ZNF804B: variants seen among roughly 807,000 people sequenced by gnomAD.
ZNF804B encodes zinc finger protein 804B.
Under a neutral mutation model 101.4 loss-of-function variants are expected in ZNF804B, and 80 were observed. The observed-to-expected ratio is 0.79, with a 90% confidence interval of 0.66 to 0.95. ZNF804B has a LOEUF of 0.95. Ranked by LOEUF, ZNF804B falls within the 40% of genes least tolerant of loss-of-function variation. The probability of loss-of-function intolerance (pLI) is 0.00; values close to 1 mark genes in which losing one functional copy is unlikely to be tolerated. For missense variants in ZNF804B, 1,673 were observed against 1,561.9 expected, an observed-to-expected ratio of 1.07 and a Z score of -1.20; for synonymous variants, 622 against 558.8, an observed-to-expected ratio of 1.11 and a Z score of -1.59.
chr7:89,210,268 T>TA (rs201514597), intron 1 of ZNF804B, among the ~76,000 whole-genome samples: 79 of 151,850 alleles, frequency 5.2e-4, no homozygotes, highest in East Asian at 5.0e-3. Flanking sequence ...TAGGTAAAAG[T>TA]AAAAAAAACA....
At chr7:89,048,641 T>C (rs6975830) in intron 1 of ZNF804B, among the ~76,000 whole-genome samples, 118,542 of 151,738 alleles carry the variant, frequency 0.78, 46,540 homozygotes, top group Middle Eastern at 0.79. Flanking sequence ...TTAGAAATAC[T>C]CCTGCTAGTA....
At chr7:89,246,521 C>T (rs1408355507) in intron 2 of ZNF804B, among the ~76,000 whole-genome samples, 1 of 152,114 alleles carries the variant, frequency 6.6e-6, no homozygotes, top group Non-Finnish European at 1.5e-5. Context: ...AGCAGCCTGA[C>T]CTGCCCCACA....
At chr7:89,028,624 G>A (rs891365685) in intron 1 of ZNF804B, among the ~76,000 whole-genome samples, 2 of 151,978 alleles carry the variant, frequency 1.3e-5, no homozygotes, top group African/African-American at 4.8e-5. Context: ...TCTAATCATC[G>A]AGCAGGGCAT....
intron 2 of ZNF804B, among the ~76,000 whole-genome samples, chr7:89,232,345 G>A (rs1388141115): frequency 1.3e-5 from 2 of 152,038 alleles, no homozygotes; most frequent in Admixed American, 1.3e-4. Context: ...GATTTGTTAA[G>A]GATTTTTGTG....
Position 89,335,286 on chromosome 7 carries a change from T to C in ZNF804B, c.2304T>C (p.Asp768=), listed in dbSNP as rs781550097. ...ACAACTGCTTCTACTTGTCTGATGA[T>C]ATAACAAAGAGCAGCCAAATGCAGT... The part of the protein sequence containing the change: ...LKHNCFYLSD[D]ITKSSQMQSE... The change falls in exon 4 of 4, where the codon GAT becomes GAC. Residue 768 remains aspartate (D), a synonymous_variant. Transcript: ENST00000333190. 4.3e-6 allele frequency: 7 copies of C among 1,613,538 alleles called. No homozygotes were observed. The highest frequency in any genetic ancestry group is 1.6e-4 in the Middle Eastern group (1 of 6,084).
intron 2 of ZNF804B, among the ~76,000 whole-genome samples, chr7:89,279,079 G>C (rs1295940613): frequency 6.6e-6 from 1 of 151,948 alleles, no homozygotes; most frequent in Non-Finnish European, 1.5e-5. Context: ...CCCTTGTAAG[G>C]TGGATTCCTA....
At chr7:88,814,603 A>T (rs2115742704) in intron 1 of ZNF804B, among the ~76,000 whole-genome samples, 1 of 152,212 alleles carries the variant, frequency 6.6e-6, no homozygotes, top group South Asian at 2.1e-4. Context: ...ATGTAAAGAC[A>T]ATTTGGGGTT....
intron 1 of ZNF804B, among the ~76,000 whole-genome samples, chr7:89,184,015 A>C (rs1788339030): frequency 6.6e-6 from 1 of 152,166 alleles, no homozygotes; most frequent in South Asian, 2.1e-4. Flanking sequence ...TTGGCTCTCT[A>C]ACATGCAAAG....
At chr7:89,108,672 C>A (rs1790171221) in intron 1 of ZNF804B, among the ~76,000 whole-genome samples, 1 of 152,170 alleles carries the variant, frequency 6.6e-6, no homozygotes, top group South Asian at 2.1e-4. Context: ...AGATCTAGGT[C>A]AATGGTGACC....
chr7:88,815,040 G>A (rs890678139), intron 1 of ZNF804B, among the ~76,000 whole-genome samples: 51 of 148,698 alleles, frequency 3.4e-4, no homozygotes, highest in South Asian at 8.4e-4. Context: ...ACATATATGT[G>A]TGTGTGTGTG....
intron 1 of ZNF804B, among the ~76,000 whole-genome samples, chr7:88,995,048 G>A (rs1793901377): frequency 6.6e-6 from 1 of 152,034 alleles, no homozygotes; most frequent in Non-Finnish European, 1.5e-5. Context: ...AAATGAATAA[G>A]GGATGACTAC....
At chr7:88,769,899 C>T (rs1790036991) in intron 1 of ZNF804B, among the ~76,000 whole-genome samples, 1 of 152,070 alleles carries the variant, frequency 6.6e-6, no homozygotes, top group Admixed American at 6.6e-5. Flanking sequence ...GAAGCTTGGT[C>T]TTCTTCTAAA....
intron 1 of ZNF804B, among the ~76,000 whole-genome samples, chr7:89,188,434 A>AT (rs990556761): frequency 2.0e-5 from 3 of 152,140 alleles, no homozygotes; most frequent in African/African-American, 7.2e-5. Context: ...AATTACGTCG[A>AT]TTTTTAATCC....
chr7:89,292,804 T>C lies in ZNF804B; in HGVS notation c.250-34540T>C, dbSNP rs1790317894. ...GATGAAAGGTCAACATAATAAAAAT[T>C]AATTGTATTTTTATATATTAGTAAT... On this transcript the variant is annotated intron_variant, in intron 2 of 3. Transcript: ENST00000333190. 2.0e-5 allele frequency among the ~76,000 whole-genome samples: 3 copies of C among 151,944 alleles called. No homozygotes were observed. The South Asian group carries it at 6.2e-4, about 31-fold the overall frequency.
At chr7:89,298,258 A>ATATATATATATAT (rs57543710) in intron 2 of ZNF804B, among the ~76,000 whole-genome samples, 1 of 97,686 alleles carries the variant, frequency 1.0e-5, no homozygotes. Context: ...ATATATATAT[A>ATATATATATATAT]CTTTAAGTTC....
At chr7:89,256,597 A>T (rs566923050) in intron 2 of ZNF804B, among the ~76,000 whole-genome samples, 2 of 152,300 alleles carry the variant, frequency 1.3e-5, no homozygotes, top group African/African-American at 4.8e-5. Flanking sequence ...CACTTAAAAT[A>T]AACATTCTAT....
At chr7:89,013,635 G>A (rs1788496624) in intron 1 of ZNF804B, among the ~76,000 whole-genome samples, 1 of 152,050 alleles carries the variant, frequency 6.6e-6, no homozygotes, top group South Asian at 2.1e-4. Context: ...TCTTTGTAGG[G>A]GGAACATTCA....
intron 3 of ZNF804B, among the ~76,000 whole-genome samples, chr7:89,330,940 G>A (rs529278170): frequency 2.7e-5 from 4 of 150,844 alleles, no homozygotes; most frequent in South Asian, 4.2e-4. Flanking sequence ...TTAACATAAA[G>A]CAAGAAAATG....
chr7:88,942,448 GA>G (rs1192264399), intron 1 of ZNF804B, among the ~76,000 whole-genome samples: 1 of 151,524 alleles, frequency 6.6e-6, no homozygotes, highest in African/African-American at 2.4e-5. Flanking sequence ...GATTGAAGTA[GA>G]GTGGAATAGA....
Sources: allele counts gnomAD v4.1 joint callset (sites outside exome capture counted in the v4.1 genomes callset), GRCh38; gene constraint gnomAD v4.1.1; transcripts MANE v1.5; gene names NCBI Gene and HGNC (gene_info 2026-07-23, HGNC 2026-07-21).